The following DNAI2 variants were observed in gnomAD, a reference collection of about 807,000 sequenced individuals.
DNAI2 encodes dynein axonemal intermediate chain 2.
Under a neutral mutation model 74.7 loss-of-function variants are expected in DNAI2, and 63 were observed. The ratio of observed to expected loss-of-function variants is 0.84; its 90% CI spans 0.69 to 1.04. The LOEUF (loss-of-function observed/expected upper bound fraction) is 1.04. DNAI2 is among the 50% of genes least tolerant of loss of function. DNAI2 has a pLI of 0.00. For missense variants in DNAI2, 688 were observed against 803.2 expected, an observed-to-expected ratio of 0.86 and a Z score of 1.73; for synonymous variants, 289 against 314.9, an observed-to-expected ratio of 0.92 and a Z score of 0.87.
Position 74,309,394 on chromosome 17 carries a change from G to A in DNAI2, c.1347+6G>A, listed in dbSNP as rs769832640. ...ATCCCACCCTCAGCTTGAAGGTCAC[G>A]CGCATGTCCCTCCTTGTGCATCCAG... On this transcript the variant is annotated splice_donor_region_variant and intron_variant, in intron 10 of 13. Coordinates refer to ENST00000311014, the MANE Select transcript of DNAI2 (RefSeq NM_023036.6). 3.5e-5 allele frequency: 56 copies of A among 1,614,152 alleles called. No individual in the cohort carries two copies. Among genetic ancestry groups the A allele is most frequent in the South Asian group, 1.2e-4 (11 of 91,086 alleles).
At chr17:74,301,270 C>G in intron 8 of DNAI2, 102 bp downstream of exon 8, 1 of 1,573,356 alleles carries the variant, frequency 6.4e-7, no homozygotes. Flanking sequence ...GAACCCAGCA[C>G]CAGCCCAGGG....
At chr17:74,296,341 AGAGAG>A (rs1487444333) in intron 6 of DNAI2, among the ~76,000 whole-genome samples, 2 of 119,728 alleles carry the variant, frequency 1.7e-5, no homozygotes, top group African/African-American at 2.8e-5. Flanking sequence ...GAGGAGAGAG[AGAGAG>A]GAGAGAGAGA....
At chr17:74,301,835 GGGAAAGAAAA>G (rs1469670267) in intron 8 of DNAI2, among the ~76,000 whole-genome samples, 3 of 139,804 alleles carry the variant, frequency 2.1e-5, no homozygotes, top group East Asian at 2.1e-4. Flanking sequence ...GGGAGAGAGA[GGGAAAGAAAA>G]GGAAAGAAGG....
intron 2 of DNAI2, among the ~76,000 whole-genome samples, chr17:74,283,789 G>A (rs751272500): frequency 1.3e-5 from 2 of 152,000 alleles, no homozygotes; most frequent in African/African-American, 2.4e-5. Context: ...GTACATGCCT[G>A]TAGTCCCAGC....
chr17:74,279,283 T>TATA (rs2051262605), intron 1 of DNAI2, among the ~76,000 whole-genome samples: 1 of 152,136 alleles, frequency 6.6e-6, no homozygotes, highest in Admixed American at 6.5e-5. Context: ...ACAGGGTGAC[T>TATA]ATAGTCAAAA....
At chr17:74,294,966 A>G (rs564739720) in intron 6 of DNAI2, among the ~76,000 whole-genome samples, 117 of 152,156 alleles carry the variant, frequency 7.7e-4, no homozygotes, top group African/African-American at 2.8e-3. Context: ...CTCAGACTAC[A>G]TAATCTCAAT....
At chr17:74,296,933 C>T (rs958476094) in intron 6 of DNAI2, among the ~76,000 whole-genome samples, 5 of 152,156 alleles carry the variant, frequency 3.3e-5, no homozygotes, top group Admixed American at 6.5e-5. Flanking sequence ...AACATTCTCC[C>T]GACTGCCCTA....
At chr17:74,313,453 G>C in intron 12 of DNAI2, among the ~76,000 whole-genome samples, 1 of 152,086 alleles carries the variant, frequency 6.6e-6, no homozygotes, top group East Asian at 1.9e-4. Flanking sequence ...CCTAATCCAG[G>C]GCTCCTCCCA....
At chr17:74,289,419 C>T (rs1049652319) in intron 4 of DNAI2, among the ~76,000 whole-genome samples, 175 bp from the exon 5 acceptor site, 2 of 151,368 alleles carry the variant, frequency 1.3e-5, no homozygotes, top group Non-Finnish European at 2.9e-5. Flanking sequence ...CGTAGCTACT[C>T]GGGAGGCTGA....
At chr17:74,314,329 G>A (rs572962137) in intron 13 of DNAI2, 58 bp downstream of exon 13, 48 of 1,592,932 alleles carry the variant, frequency 3.0e-5, no homozygotes, top group Non-Finnish European at 3.9e-5. Flanking sequence ...AGCACTGGGT[G>A]GTGGGCTGGG....
Position 74,281,964 on chromosome 17 carries a change from G to T in DNAI2, c.147G>T (p.Thr49=), listed in dbSNP as rs369017940. ...EQFVERNPVD[T]GIQCSISMSE... ...TCGTGGAGCGGAACCCAGTGGACACGGGCATCCAGTGCTCGATCAGCATGT... is the reference window on the plus strand; with the variant it reads ...TCGTGGAGCGGAACCCAGTGGACACTGGCATCCAGTGCTCGATCAGCATGT... The change falls in exon 2 of 14, where the codon ACG becomes ACT. Residue 49 remains threonine, a synonymous_variant. Transcript: ENST00000311014. 59 of 1,614,010 alleles carry T rather than the reference G, an allele frequency of 3.7e-5. No homozygotes were observed. The highest frequency in any genetic ancestry group is 4.7e-5 in the Non-Finnish European group (56 of 1,180,022).
At chr17:74,301,913 AGG>A (rs1440884204) in intron 8 of DNAI2, among the ~76,000 whole-genome samples, 5 of 11,196 alleles carry the variant, frequency 4.5e-4, no homozygotes, top group African/African-American at 1.4e-3. Flanking sequence ...GAAGGAAAGA[AGG>A]AAGGAAGGAA....
intron 6 of DNAI2, among the ~76,000 whole-genome samples, chr17:74,298,187 C>T (rs555606259): frequency 6.6e-6 from 1 of 152,266 alleles, no homozygotes; most frequent in Non-Finnish European, 1.5e-5. Flanking sequence ...AGCCCAGACT[C>T]TGGTGCTCCG....
At chr17:74,284,992 T>C (rs1174297766) in intron 2 of DNAI2, 48 bp from the exon 3 acceptor site, 2 of 1,613,068 alleles carry the variant, frequency 1.2e-6, no homozygotes, top group Admixed American at 1.7e-5. Context: ...GCCGAGGGTT[T>C]GGGAGTATAC....
At chr17:74,287,299 G>A (rs2051811219) in intron 4 of DNAI2, among the ~76,000 whole-genome samples, 1 of 152,232 alleles carries the variant, frequency 6.6e-6, no homozygotes, top group Non-Finnish European at 1.5e-5. Flanking sequence ...TGGAAAGGGA[G>A]TACAGACTCC....
In DNAI2 at chr17:74,300,932, C is replaced by G. The variant is rs2052724573; in HGVS notation, c.865-114C>G. 10 of 1,466,280 alleles carry G rather than the reference C, an allele frequency of 6.8e-6. No homozygotes were observed. The highest frequency in any genetic ancestry group is 5.7e-5 in the South Asian group (5 of 87,766). 90.8% of individuals were successfully genotyped at this position (1,466,280 alleles called of 1,614,324 possible). A position where few individuals can be genotyped will look rare whatever the true frequency, so the allele number is the denominator to read the frequency against. ...TTGCTCCCACGAATTGCCGGGAGCT[C>G]CATCCTTTGTGGCCCAGTGGCTGAC... On this transcript the variant is annotated intron_variant, in intron 7 of 13. Transcript: ENST00000311014. The surrounding 1 kb of genome is among the most constrained non-coding windows in gnomAD (Gnocchi z 4.5).
rs1420521596 is a variant in DNAI2 at position 74,281,481 on chromosome 17, C to T, written c.-11-326C>T. The T allele has an allele frequency of 1.5e-5, 8 of 541,090 alleles. No homozygotes were observed. In the Admixed American group the frequency reaches 2.7e-4, roughly 18 times the overall value. 33.5% of individuals were successfully genotyped at this position (541,090 alleles called of 1,614,324 possible). A position where few individuals can be genotyped will look rare whatever the true frequency, so the allele number is the denominator to read the frequency against. On this transcript the variant is annotated intron_variant, in intron 1 of 13. Transcript: ENST00000311014. ...CCATGTTGGCCAGGCTGGTCTTGAA[C>T]TCCTGACCTCAGGTGATCCACCTGG...
At position 74,281,920 on chromosome 17, in the gene DNAI2, C is replaced by T; in HGVS notation, c.103C>T (p.Pro35Ser). The T allele has an allele frequency of 6.2e-7, 1 of 1,614,170 alleles. No homozygotes were observed. Among genetic ancestry groups the T allele is most frequent in the Non-Finnish European group, 8.5e-7 (1 of 1,180,034 alleles). ...AELNIDIMPNPELAEQFVERN... is the reference protein window; with the variant it reads ...AELNIDIMPNSELAEQFVERN... ...GCTGAACATCGACATCATGCCCAAC[C>T]CTGAGCTGGCCGAGCAGTTCGTGGA... Residue 35 changes from proline to serine, a missense_variant, in exon 2 of 14, where the codon CCT becomes TCT. Pro to Ser is a moderately conservative substitution (Grantham distance 74). Coordinates refer to ENST00000311014, the MANE Select transcript of DNAI2 (RefSeq NM_023036.6).
intron 9 of DNAI2, chr17:74,307,261 T>C (rs1460836391): frequency 4.4e-6 from 2 of 456,288 alleles, no homozygotes; most frequent in Admixed American, 2.3e-5. Flanking sequence ...ACAGCACCCA[T>C]AGGCCTTTCG....
Sources: allele counts gnomAD v4.1 joint callset (sites outside exome capture counted in the v4.1 genomes callset), GRCh38; gene constraint gnomAD v4.1.1; non-coding constraint Gnocchi (gnomAD v3.1); transcripts MANE v1.5; gene names NCBI Gene and HGNC (gene_info 2026-07-23, HGNC 2026-07-21).